The following SLC25A37 variants were observed in gnomAD, a reference collection of about 807,000 sequenced individuals.
The protein encoded by SLC25A37 is mitoferrin-1.
A neutral mutation model predicts 31.0 loss-of-function variants in SLC25A37; 17 were observed. The ratio of observed to expected loss-of-function variants is 0.55; its 90% confidence interval spans 0.38 to 0.82. SLC25A37 has a LOEUF of 0.82. Among genes scored for constraint, SLC25A37 ranks in the 40% least tolerant of loss-of-function variants. The pLI is 0.00. For missense variants in SLC25A37, 404 were observed against 465.8 expected, an observed-to-expected ratio of 0.87 and a Z score of 1.22; for synonymous variants, 222 against 193.0, an observed-to-expected ratio of 1.15 and a Z score of -1.24.
intron 1 of SLC25A37, among the ~76,000 whole-genome samples, chr8:23,537,588 G>T (rs1445330706): frequency 6.6e-6 from 1 of 152,244 alleles, no homozygotes; most frequent in African/African-American, 2.4e-5. Context: ...ATCGGAAATA[G>T]AGAAGAGTAG....
chr8:23,563,719 C>T (rs888937595), intron 1 of SLC25A37, among the ~76,000 whole-genome samples: 25 of 152,148 alleles, frequency 1.6e-4, no homozygotes, highest in East Asian at 3.9e-4. Flanking sequence ...CAGTGGCTCA[C>T]GCCTGTAATC....
At chr8:23,568,515 AT>A (rs34488145) in intron 3 of SLC25A37, 137 bp downstream of exon 3, 1 of 933,064 alleles carries the variant, frequency 1.1e-6, no homozygotes, top group African/African-American at 1.6e-5. Flanking sequence ...GGAGAATTGA[AT>A]TTTTTACTAC....
intron 3 of SLC25A37, 111 bp downstream of exon 3, chr8:23,568,489 C>A: frequency 8.5e-7 from 1 of 1,183,134 alleles, no homozygotes; most frequent in Non-Finnish European, 1.3e-6. Flanking sequence ...CTCCTAGTCT[C>A]CAGTCAGAGC....
At chr8:23,553,713 T>G (rs1348720458) in intron 1 of SLC25A37, among the ~76,000 whole-genome samples, 1 of 152,214 alleles carries the variant, frequency 6.6e-6, no homozygotes, top group African/African-American at 2.4e-5. Context: ...AAGCGCTTCT[T>G]TAGGAGACAG....
At chr8:23,554,778 A>G (rs1226544997) in intron 1 of SLC25A37, among the ~76,000 whole-genome samples, 1 of 152,222 alleles carries the variant, frequency 6.6e-6, no homozygotes, top group African/African-American at 2.4e-5. Flanking sequence ...CCTGGCAAGC[A>G]GCTGTAGCTT....
chr8:23,572,638 TTCAA>T lies in SLC25A37; in HGVS notation c.*787_*790del, dbSNP rs1258172266. 1.3e-5 allele frequency: 2 copies of T among 151,962 alleles called. No homozygotes were observed. Among genetic ancestry groups the T allele is most frequent in the Non-Finnish European group, 2.9e-5 (2 of 67,972 alleles). The allele number at this position is 151,962 out of a possible 1,614,324, so 9.4% of individuals were successfully genotyped here. ...CAGCTACCTTTTTTTTTCTTTTAAA[TTCAA>T]TCAGCCACCTTCATGTGCCTTTTTC... On this transcript the variant is annotated 3_prime_UTR_variant, in exon 4 of 4. Transcript: ENST00000519973.
chr8:23,570,383 A>G (rs1007613709), intron 3 of SLC25A37, among the ~76,000 whole-genome samples: 7 of 142,618 alleles, frequency 4.9e-5, no homozygotes, highest in Admixed American at 3.6e-4. Flanking sequence ...GGGGACAGGA[A>G]AGAGGCATTC....
chr8:23,562,965 A>G (rs745849707), intron 1 of SLC25A37, among the ~76,000 whole-genome samples: 10 of 152,280 alleles, frequency 6.6e-5, no homozygotes, highest in Non-Finnish European at 1.5e-4. Flanking sequence ...GAGCGATTTC[A>G]TATGTCCTAA....
intron 1 of SLC25A37, among the ~76,000 whole-genome samples, chr8:23,556,524 C>A (rs958270340): frequency 7.2e-5 from 11 of 152,066 alleles, no homozygotes; most frequent in African/African-American, 2.7e-4. Context: ...CTGCACCCAG[C>A]TCAAATTTTC....
At chr8:23,548,877 C>T (rs1332658855) in intron 1 of SLC25A37, among the ~76,000 whole-genome samples, 1 of 152,176 alleles carries the variant, frequency 6.6e-6, no homozygotes, top group Non-Finnish European at 1.5e-5. Context: ...GTATGTCCTA[C>T]ACTTCGTTTC....
At chr8:23,551,906 C>T (rs1189675106) in intron 1 of SLC25A37, among the ~76,000 whole-genome samples, 1 of 152,130 alleles carries the variant, frequency 6.6e-6, no homozygotes, top group Admixed American at 6.5e-5. Flanking sequence ...TATTTCTGTC[C>T]CTTCCTTGTG....
chr8:23,539,375 G>A (rs562484103), intron 1 of SLC25A37, among the ~76,000 whole-genome samples: 1 of 152,272 alleles, frequency 6.6e-6, no homozygotes, highest in East Asian at 1.9e-4. Context: ...GGCTGGCCAC[G>A]TGGTCTGTGA....
rs1802903547 is a variant in SLC25A37 at position 23,573,052 on chromosome 8, G to C, written c.*1197G>C. On this transcript the variant is annotated 3_prime_UTR_variant, in exon 4 of 4. Transcript: ENST00000519973. Reference sequence around the variant, plus strand: ...CTCATCTCCTGTGTTTCCCTGTGCAGTCTAGGGAAGCATGTCTCCAGTCTT... The same window carrying C: ...CTCATCTCCTGTGTTTCCCTGTGCACTCTAGGGAAGCATGTCTCCAGTCTT... The C allele has an allele frequency of 6.6e-6, 1 of 152,274 alleles. No homozygotes were observed. Among genetic ancestry groups the C allele is most frequent in the Admixed American group, 6.5e-5 (1 of 15,278 alleles). The allele number at this position is 152,274 out of a possible 1,614,324, so 9.4% of individuals were successfully genotyped here.
chr8:23,546,512 GGTATAT>G (rs1802043699), intron 1 of SLC25A37, among the ~76,000 whole-genome samples: 1 of 66,950 alleles, frequency 1.5e-5, no homozygotes, highest in African/African-American at 7.5e-5. Flanking sequence ...TATATATATA[GGTATAT>G]ATATATATAG....
chr8:23,559,368 C>CGT (rs1563262775), intron 1 of SLC25A37, among the ~76,000 whole-genome samples: 2 of 123,554 alleles, frequency 1.6e-5, no homozygotes, highest in East Asian at 2.6e-4. Flanking sequence ...TGTGTGCGCG[C>CGT]GCGCGTGTGT....
At chr8:23,556,416 G>A (rs1164237274) in intron 1 of SLC25A37, among the ~76,000 whole-genome samples, 5 of 151,732 alleles carry the variant, frequency 3.3e-5, no homozygotes, top group Non-Finnish European at 7.4e-5. Context: ...TGAAGAGATG[G>A]GGTCTTGCTA....
Position 23,529,426 on chromosome 8 carries a change from C to T in SLC25A37, c.210+214C>T, listed in dbSNP as rs1294300012. On this transcript the variant is annotated intron_variant, in intron 1 of 3. Transcript: ENST00000519973. This position sits in a 1 kb window ranked among gnomAD's most constrained non-coding sequence, Gnocchi z 4.1. ...GAGGGTGCCCGGTCCTCGCCCCGCA[C>T]CGCCCGCTGCTCCAGCCGCGTGCCC... Among the ~76,000 whole-genome samples the T allele has an allele frequency of 6.6e-6, 1 of 151,710 alleles. No individual in the cohort carries two copies. Among genetic ancestry groups the T allele is most frequent in the Non-Finnish European group, 1.5e-5 (1 of 67,884 alleles).
At chr8:23,553,763 G>A (rs933830908) in intron 1 of SLC25A37, among the ~76,000 whole-genome samples, 1 of 152,210 alleles carries the variant, frequency 6.6e-6, no homozygotes, top group African/African-American at 2.4e-5. Context: ...GCCCAGTCTT[G>A]TGATGACCAG....
intron 1 of SLC25A37, chr8:23,541,871 A>G (rs1801902914): frequency 6.6e-6 from 1 of 152,266 alleles, no homozygotes; most frequent in Admixed American, 6.5e-5. Flanking sequence ...GTGTATATAC[A>G]TATGAGGGTG....
Sources: allele counts gnomAD v4.1 joint callset (sites outside exome capture counted in the v4.1 genomes callset), GRCh38; gene constraint gnomAD v4.1.1; non-coding constraint Gnocchi (gnomAD v3.1); transcripts MANE v1.5; gene names NCBI Gene and HGNC (gene_info 2026-07-23, HGNC 2026-07-21).